PRKAR1B: variants seen among roughly 807,000 people sequenced by gnomAD.
PRKAR1B encodes the protein cAMP-dependent protein kinase type I-beta regulatory subunit.
In PRKAR1B, 22 loss-of-function variants were observed where a neutral mutation model predicts 46.5. That is an observed-to-expected ratio of 0.47 (90% CI 0.34 to 0.68). PRKAR1B has a LOEUF of 0.68. PRKAR1B is among the 30% of genes least tolerant of loss of function. The probability of loss-of-function intolerance (pLI) is 0.01; values close to 1 mark genes in which losing one functional copy is unlikely to be tolerated. For synonymous variants in PRKAR1B, 259 were observed against 217.7 expected (o/e 1.19, Z -1.67); for missense variants, 445 against 535.6 (o/e 0.83, Z 1.67).
At chr7:688,062 C>T (rs1330366746) in intron 2 of PRKAR1B, among the ~76,000 whole-genome samples, 1 of 144,602 alleles carries the variant, frequency 6.9e-6, no homozygotes, top group Non-Finnish European at 1.5e-5. Context: ...TGCCACTGCA[C>T]TCCAGCCTGG....
intron 4 of PRKAR1B, among the ~76,000 whole-genome samples, chr7:669,531 A>T (rs1032211384): frequency 6.6e-6 from 1 of 152,118 alleles, no homozygotes; most frequent in Admixed American, 6.5e-5. Context: ...TGGGAGGCTG[A>T]GGTGGGTGGA....
chr7:606,893 T>C lies in PRKAR1B; in HGVS notation c.502+498A>G, dbSNP rs150121126. ...TCTATTTTATACACACACATATGTA[T>C]ATATGTGTACATATATGTATACATG... On this transcript the variant is annotated intron_variant, in intron 5 of 10. Transcript: ENST00000537384. 1.8e-3 allele frequency among the ~76,000 whole-genome samples: 278 copies of C among 152,194 alleles called. 3 individuals carry two copies. The highest frequency in any genetic ancestry group is 6.3e-3 in the African/African-American group (263 of 41,534).
chr7:647,368 C>A (rs1784668035), intron 4 of PRKAR1B, among the ~76,000 whole-genome samples: 1 of 152,136 alleles, frequency 6.6e-6, no homozygotes, highest in Non-Finnish European at 1.5e-5. Flanking sequence ...CCTGGCCTCT[C>A]CTGCTGCCCC....
intron 8 of PRKAR1B, among the ~76,000 whole-genome samples, chr7:580,965 G>T (rs1301382886): frequency 6.6e-6 from 1 of 152,120 alleles, no homozygotes; most frequent in Non-Finnish European, 1.5e-5. Flanking sequence ...GGGAAGGGGG[G>T]CGAGGACCCC....
intron 9 of PRKAR1B, among the ~76,000 whole-genome samples, chr7:569,850 C>T (rs1361605026): frequency 6.6e-6 from 1 of 152,196 alleles, no homozygotes; most frequent in Non-Finnish European, 1.5e-5. Flanking sequence ...ACGGACAGGG[C>T]CACCCCAGGG....
chr7:714,267 C>CA lies in PRKAR1B; in HGVS notation c.-22-2741dup, dbSNP rs1780795768. On this transcript the variant is annotated intron_variant, in intron 1 of 10. Transcript: ENST00000537384. This position sits in a 1 kb window ranked among gnomAD's most constrained non-coding sequence, Gnocchi z 4.3. ...GGAGACTCCCTGTAAAGACTTCCCC[C>CA]ACACCGTGCCTCTAGAGGAGAGTGG... Among the ~76,000 whole-genome samples, 1 of 152,182 alleles carries CA rather than the reference C, an allele frequency of 6.6e-6. No individual in the cohort carries two copies. Among genetic ancestry groups the CA allele is most frequent in the Non-Finnish European group, 1.5e-5 (1 of 68,018 alleles).
rs140135520 is a variant in PRKAR1B at position 556,420 on chromosome 7, G to A, written c.892-4950C>T. 4.5e-4 allele frequency among the ~76,000 whole-genome samples: 68 copies of A among 152,054 alleles called. 2 individuals carry two copies. The South Asian group carries it at 0.013, about 29-fold the overall frequency. On this transcript the variant is annotated intron_variant, in intron 9 of 10. Coordinates refer to ENST00000537384, the MANE Select transcript of PRKAR1B (RefSeq NM_001164760.2). ...TGTGAATGCAACCCTGCAACCGGCG[G>A]CCTTCGGATAATTAGAAGGGCCTCT...
chr7:583,819 C>G (rs1374298104), intron 8 of PRKAR1B, among the ~76,000 whole-genome samples: 1 of 151,694 alleles, frequency 6.6e-6, no homozygotes, highest in African/African-American at 2.4e-5. Context: ...CATGCACACA[C>G]ACGCACACAC....
intron 9 of PRKAR1B, among the ~76,000 whole-genome samples, chr7:572,888 A>C (rs1213467928): frequency 6.6e-6 from 1 of 152,222 alleles, no homozygotes; most frequent in Non-Finnish European, 1.5e-5. Context: ...AATGACAGTG[A>C]GCAGACAGGG....
chr7:704,997 A>T (rs1241001050), intron 2 of PRKAR1B, among the ~76,000 whole-genome samples: 1 of 151,960 alleles, frequency 6.6e-6, no homozygotes, highest in Non-Finnish European at 1.5e-5. Flanking sequence ...AATGTAAAAT[A>T]AAACCACTTT....
intron 4 of PRKAR1B, among the ~76,000 whole-genome samples, chr7:656,544 ATGAG>A (rs1338040053): frequency 6.6e-6 from 1 of 152,044 alleles, no homozygotes; most frequent in Non-Finnish European, 1.5e-5. Context: ...GAATTAATGG[ATGAG>A]TGAGGGAATG....
At chr7:576,681 G>A (rs960137900) in intron 9 of PRKAR1B, among the ~76,000 whole-genome samples, 10 of 151,530 alleles carry the variant, frequency 6.6e-5, no homozygotes, top group Admixed American at 2.6e-4. Flanking sequence ...CCGGCATCTC[G>A]GATGCCCCAG....
At chr7:603,294 G>C (rs28546893) in intron 6 of PRKAR1B, 17,463 of 152,318 alleles carry the variant, frequency 0.11, 1,405 homozygotes, top group African/African-American at 0.22. Context: ...GGTCATCTGC[G>C]GAGGTCAGTA....
rs530392974 is a variant in PRKAR1B at position 569,960 on chromosome 7, C to T, written c.891+9296G>A. ...AGGTGGAGGGCTCAGAGCCCAGCCCCGGGGTTCTGGAAAAGTGTTTCTTCC... is the reference window on the plus strand; with the variant it reads ...AGGTGGAGGGCTCAGAGCCCAGCCCTGGGGTTCTGGAAAAGTGTTTCTTCC... On this transcript the variant is annotated intron_variant, in intron 9 of 10. Coordinates refer to ENST00000537384, the MANE Select transcript of PRKAR1B (RefSeq NM_001164760.2). Among the ~76,000 whole-genome samples the T allele has an allele frequency of 1.2e-4, 19 of 152,348 alleles. 1 individual carries two copies. Among genetic ancestry groups the T allele is most frequent in the East Asian group, 3.9e-4 (2 of 5,190 alleles).
chr7:660,976 T>TC (rs1583375553), intron 4 of PRKAR1B, among the ~76,000 whole-genome samples: 1 of 63,090 alleles, frequency 1.6e-5, no homozygotes, highest in Non-Finnish European at 2.9e-5. Context: ...ATGGCACAGG[T>TC]CCCCACCCCA....
At chr7:661,947 CT>C (rs1785599061) in intron 4 of PRKAR1B, among the ~76,000 whole-genome samples, 1 of 114,312 alleles carries the variant, frequency 8.7e-6, no homozygotes, top group African/African-American at 3.5e-5. Context: ...TACTCTTCCC[CT>C]CCATGGCACA....
chr7:697,690 C>T (rs1163941897), intron 2 of PRKAR1B, among the ~76,000 whole-genome samples: 1 of 151,774 alleles, frequency 6.6e-6, no homozygotes, highest in African/African-American at 2.4e-5. Flanking sequence ...CACCTAGCAG[C>T]GGCAAATCAT....
At chr7:709,537 AT>A (rs1478890057) in intron 2 of PRKAR1B, among the ~76,000 whole-genome samples, 1 of 151,700 alleles carries the variant, frequency 6.6e-6, no homozygotes, top group Non-Finnish European at 1.5e-5. Flanking sequence ...CGCCCGGCTA[AT>A]TTTTTGTATT....
chr7:623,158 G>A lies in PRKAR1B; in HGVS notation c.441-15706C>T, dbSNP rs150919820. Among the ~76,000 whole-genome samples the A allele has an allele frequency of 1.1e-4, 16 of 152,270 alleles. No individual in the cohort carries two copies. The East Asian group carries it at 2.5e-3, about 24-fold the overall frequency. On this transcript the variant is annotated intron_variant, in intron 4 of 10. Coordinates refer to ENST00000537384, the MANE Select transcript of PRKAR1B (RefSeq NM_001164760.2). ...CACTGTTTAGGTGAAGGCTTGTTCCGTGACTCTGTTGACTACAAGTTTCCA... is the reference window on the plus strand; with the variant it reads ...CACTGTTTAGGTGAAGGCTTGTTCCATGACTCTGTTGACTACAAGTTTCCA...
Sources: gnomAD v4.1 joint callset for allele counts (sites outside exome capture counted in the v4.1 genomes callset) on GRCh38, gnomAD v4.1.1 for gene constraint, Gnocchi (gnomAD v3.1) non-coding constraint, MANE v1.5 for transcripts, NCBI Gene and HGNC (gene_info 2026-07-23, HGNC 2026-07-21) for gene names.